The following VARS1 variants were observed in gnomAD, a reference collection of about 807,000 sequenced individuals.
VARS1 encodes the protein valine--tRNA ligase.
VARS1 carries 92 observed loss-of-function variants against 161.0 expected under a neutral mutation model. The observed-to-expected ratio is 0.57, with a 90% CI of 0.48 to 0.68. The LOEUF is 0.68. VARS1 is among the 30% of genes least tolerant of loss of function. The pLI, the probability that VARS1 is intolerant of heterozygous loss-of-function variation, is 0.00. For synonymous variants in VARS1, 595 were observed against 682.5 expected, an observed-to-expected ratio of 0.87 and a Z score of 2.00; for missense variants, 1,338 against 1,695.9, an observed-to-expected ratio of 0.79 and a Z score of 3.71.
In VARS1 at chr6:31,792,833, G is replaced by A. The variant is rs757660701; in HGVS notation, c.585C>T (p.Val195=). The A allele has an allele frequency of 6.2e-7, 1 of 1,614,068 alleles. No individual in the cohort carries two copies. Among genetic ancestry groups the A allele is most frequent in the African/African-American group, 1.3e-5 (1 of 74,926 alleles). Residue 195 remains valine (V), a synonymous_variant, in exon 4 of 30, where the codon GTC becomes GTT. Coordinates refer to ENST00000375663, the MANE Select transcript of VARS1 (RefSeq NM_006295.3). ...NNVTRWFVTC[V]RQPEFRAVLG... ...GCACGGCTCGGAATTCTGGCTGCCGGACACACGTGACAAACCAGCGAGTCA... is the reference window on the plus strand; with the variant it reads ...GCACGGCTCGGAATTCTGGCTGCCGAACACACGTGACAAACCAGCGAGTCA...
rs1361935216 is a variant in VARS1, at chr6:31,780,970, G to A, written c.2650-32C>T. The A allele has an allele frequency of 1.2e-6, 2 of 1,614,082 alleles. No individual in the cohort carries two copies. The highest frequency in any genetic ancestry group is 1.1e-5 in the South Asian group (1 of 91,084). On this transcript the variant is annotated intron_variant, in intron 22 of 29. Coordinates refer to ENST00000375663, the MANE Select transcript of VARS1 (RefSeq NM_006295.3). The surrounding 1 kb of genome is among the most constrained non-coding windows in gnomAD (Gnocchi z 5.1). ...GTGGAGTGGGAGCAGTCAGGTGGCT[G>A]TGACCACAGCCCCACGGCCCTTCCT...
chr6:31,785,376 G>A lies in VARS1; in HGVS notation c.1266-49C>T, dbSNP rs1354762144. The A allele has an allele frequency of 6.2e-7, 1 of 1,608,648 alleles. No individual in the cohort carries two copies. The highest frequency in any genetic ancestry group is 2.2e-5 in the East Asian group (1 of 44,854). ...AGCACTCGTGCCTGGGCTAGAGGGAGACATCAGGTGGCTGACTGGGCAGTG... is the reference window on the plus strand; with the variant it reads ...AGCACTCGTGCCTGGGCTAGAGGGAAACATCAGGTGGCTGACTGGGCAGTG... On this transcript the variant is annotated intron_variant, in intron 9 of 29. Coordinates refer to ENST00000375663, the MANE Select transcript of VARS1 (RefSeq NM_006295.3). The surrounding 1 kb of genome is among the most constrained non-coding windows in gnomAD (Gnocchi z 6.1).
At chr6:31,790,985 G>T (rs533439194) in intron 8 of VARS1, among the ~76,000 whole-genome samples, 13 of 152,136 alleles carry the variant, frequency 8.5e-5, no homozygotes, top group African/African-American at 2.2e-4. Context: ...TTTCTTACAA[G>T]AATATATTCA....
Position 31,785,381 on chromosome 6 carries a change from C to A in VARS1, c.1266-54G>T. 1.2e-6 allele frequency: 2 copies of A among 1,607,296 alleles called. No individual in the cohort carries two copies. Among genetic ancestry groups the A allele is most frequent in the Non-Finnish European group, 1.7e-6 (2 of 1,175,904 alleles). On this transcript the variant is annotated intron_variant, in intron 9 of 29. Coordinates refer to ENST00000375663, the MANE Select transcript of VARS1 (RefSeq NM_006295.3). This position sits in a 1 kb window ranked among gnomAD's most constrained non-coding sequence, Gnocchi z 6.1. ...TCGTGCCTGGGCTAGAGGGAGACAT[C>A]AGGTGGCTGACTGGGCAGTGTGGAG...
In VARS1 at chr6:31,784,590, C is replaced by A. The variant is rs1421873661; in HGVS notation, c.1467+5G>T. ...GATGGAGACAGGCCAGGTTGGGGGG[C>A]GCACCTCAATGTCAGAGATGGCGGA... is the stretch of plus-strand genomic sequence containing the variant. On this transcript the variant is annotated splice_donor_5th_base_variant and intron_variant, in intron 11 of 29. Transcript: ENST00000375663. This position sits in a 1 kb window ranked among gnomAD's most constrained non-coding sequence, Gnocchi z 6.1. 1.2e-6 allele frequency: 2 copies of A among 1,613,258 alleles called. No homozygotes were observed. Among genetic ancestry groups the A allele is most frequent in the Non-Finnish European group, 1.7e-6 (2 of 1,180,030 alleles).
Position 31,782,993 on chromosome 6 carries a change from T to C in VARS1, c.1762+103A>G. The C allele has an allele frequency of 7.8e-6, 12 of 1,536,626 alleles. No individual in the cohort carries two copies. Among genetic ancestry groups the C allele is most frequent in the Non-Finnish European group, 1.1e-5 (12 of 1,136,202 alleles). ...CCCTTGAGAACCACCCCAAGCTCTG[T>C]CTATTTGGCTGAAGCTTATTTTCTT... is the stretch of plus-strand genomic sequence containing the variant. On this transcript the variant is annotated intron_variant, in intron 14 of 29. Coordinates refer to ENST00000375663, the MANE Select transcript of VARS1 (RefSeq NM_006295.3). The surrounding 1 kb of genome is among the most constrained non-coding windows in gnomAD (Gnocchi z 8.3).
chr6:31,792,229 C>T lies in VARS1; in HGVS notation c.859G>A (p.Gly287Arg), dbSNP rs763964925. The T allele has an allele frequency of 4.3e-6, 7 of 1,613,804 alleles. No individual in the cohort carries two copies. The highest frequency in any genetic ancestry group is 2.2e-5 in the East Asian group (1 of 44,856). ...VITYDLPTPPGEKKDVSGPMP... is the reference protein window; with the variant it reads ...VITYDLPTPPREKKDVSGPMP... ...CCACTCCTAGTACCTTTCTTTTCCC[C>T]GGGTGGGGTTGGGAGGTCATAGGTA... Residue 287 changes from glycine to arginine, a missense_variant, in exon 6 of 30, where the codon GGG becomes AGG. Transcript: ENST00000375663.
chr6:31,786,888 A>C (rs1366225645), intron 8 of VARS1, among the ~76,000 whole-genome samples: 2 of 151,938 alleles, frequency 1.3e-5, no homozygotes, highest in Non-Finnish European at 2.9e-5. Flanking sequence ...ATTTGGAAAA[A>C]ATCTCCCCCT....
chr6:31,784,370 G>A lies in VARS1; in HGVS notation c.1576+24C>T, dbSNP rs1562301647. ...CCCCTTCCTGCCACTCCCAGCCCAG[G>A]ATCCTGGTGCCCCTGGCTCCTACCT... On this transcript the variant is annotated intron_variant, in intron 12 of 29. Transcript: ENST00000375663. This position sits in a 1 kb window ranked among gnomAD's most constrained non-coding sequence, Gnocchi z 6.1. The A allele has an allele frequency of 6.8e-6, 11 of 1,614,046 alleles. No individual in the cohort carries two copies. The highest frequency in any genetic ancestry group is 9.3e-6 in the Non-Finnish European group (11 of 1,180,048).
chr6:31,793,972 T>C (rs1814075505), intron 2 of VARS1, among the ~76,000 whole-genome samples: 1 of 150,490 alleles, frequency 6.6e-6, no homozygotes, highest in Non-Finnish European at 1.5e-5. Flanking sequence ...GACAAGGTGG[T>C]GGGCGCCTGT....
chr6:31,783,374 G>A (rs1813288424), intron 13 of VARS1, 188 bp from the exon 14 acceptor site: 1 of 606,190 alleles, frequency 1.6e-6, no homozygotes, highest in Non-Finnish European at 2.9e-6. Context: ...GCCAGGTGTG[G>A]TGACGCGTGC....
Position 31,781,502 on chromosome 6 carries a change from C to G in VARS1, c.2523G>C (p.Thr841=). 6.2e-7 allele frequency: 1 copy of G among 1,612,812 alleles called. No homozygotes were observed. The highest frequency in any genetic ancestry group is 8.5e-7 in the Non-Finnish European group (1 of 1,179,950). The change falls in exon 21 of 30, where the codon ACG becomes ACC. Residue 841 remains threonine, a synonymous_variant. Transcript: ENST00000375663. This position sits in a 1 kb window ranked among gnomAD's most constrained non-coding sequence, Gnocchi z 6.8. ...ARMVMLGLKL[T]GRLPFREVYL... is the part of the protein sequence containing the mutation. ...GCACCTCTCTAAAGGGCAGCCTGCC[C>G]GTGAGCTTCAGGCCCAGCATGACCA...
rs1812835456 is a variant in VARS1 at position 31,777,761 on chromosome 6, G to A, written c.3727-99C>T. On this transcript the variant is annotated intron_variant, in intron 29 of 29. Coordinates refer to ENST00000375663, the MANE Select transcript of VARS1 (RefSeq NM_006295.3). This position sits in a 1 kb window ranked among gnomAD's most constrained non-coding sequence, Gnocchi z 5.8. Reference sequence around the variant, plus strand: ...GTTGGAAAGATGAGCGAGGACCATGGGAGGTCAGTAGCTCAGAGGAGGCGT... The same window carrying A: ...GTTGGAAAGATGAGCGAGGACCATGAGAGGTCAGTAGCTCAGAGGAGGCGT... The A allele has an allele frequency of 3.5e-6, 5 of 1,419,276 alleles. No individual in the cohort carries two copies. Among genetic ancestry groups the A allele is most frequent in the Admixed American group, 2.0e-5 (1 of 50,780 alleles). 87.9% of individuals were successfully genotyped at this position (1,419,276 alleles called of 1,614,324 possible). A position where few individuals can be genotyped will look rare whatever the true frequency, so the allele number is the denominator to read the frequency against.
rs761826212 is a variant in VARS1 at position 31,781,809 on chromosome 6, C to G, written c.2347+38G>C. 9 of 1,612,888 alleles carry G rather than the reference C, an allele frequency of 5.6e-6. No homozygotes were observed. In the South Asian group the frequency reaches 9.9e-5, roughly 18 times the overall value. ...GGTCAGAGGGAGTGGAGCTCTGCCC[C>G]CCACAACTCCCTCCAGACCCTCAAA... On this transcript the variant is annotated intron_variant, in intron 19 of 29. Coordinates refer to ENST00000375663, the MANE Select transcript of VARS1 (RefSeq NM_006295.3). The surrounding 1 kb of genome is among the most constrained non-coding windows in gnomAD (Gnocchi z 6.8).
Position 31,781,512 on chromosome 6 carries a change from A to G in VARS1, c.2513T>C (p.Leu838Pro). 6.2e-7 allele frequency: 1 copy of G among 1,612,912 alleles called. No individual in the cohort carries two copies. Among genetic ancestry groups the G allele is most frequent in the Non-Finnish European group, 8.5e-7 (1 of 1,179,978 alleles). Residue 838 changes from leucine to proline, a missense_variant, in exon 21 of 30, where the codon CTG becomes CCG. By Grantham distance (98) the Leu-to-Pro change is moderately conservative. Transcript: ENST00000375663. The surrounding 1 kb of genome is among the most constrained non-coding windows in gnomAD (Gnocchi z 6.8). Reference protein sequence around the residue: ...FWVARMVMLGLKLTGRLPFRE... With the variant: ...FWVARMVMLGPKLTGRLPFRE... The stretch of plus-strand genomic sequence containing the variant: ...AAAGGGCAGCCTGCCCGTGAGCTTC[A>G]GGCCCAGCATGACCATCCGGGCCAC...
In VARS1 at chr6:31,780,147, C is replaced by T. The variant is rs776649176; in HGVS notation, c.2932G>A (p.Gly978Ser). Residue 978 changes from glycine (G) to serine (S), a missense_variant, in exon 26 of 30, where the codon GGC (glycine) becomes AGC (serine). Physicochemically the swap from Gly to Ser is moderately conservative, Grantham distance 56. Around this residue, in one of 3 missense-constraint regions of VARS1, gnomAD observed 433 missense variants for 586.2 expected, o/e 0.74. Coordinates refer to ENST00000375663, the MANE Select transcript of VARS1 (RefSeq NM_006295.3). The surrounding 1 kb of genome is among the most constrained non-coding windows in gnomAD (Gnocchi z 5.1). ...CAGCGGTCCACCAGGCTCTCATGGC[C>T]TCCGGGCTTGGGGAGAGAGGGTGTA... The part of the protein sequence containing the change: ...FVPSPTSQPG[G>S]HESLVDRWIR... 6.2e-7 allele frequency: 1 copy of T among 1,613,590 alleles called. No homozygotes were observed. The highest frequency in any genetic ancestry group is 1.1e-5 in the South Asian group (1 of 91,074).
At position 31,791,733 on chromosome 6, in the gene VARS1, G is replaced by A. The variant is rs1156960014; in HGVS notation, c.977C>T (p.Pro326Leu). 6.2e-7 allele frequency: 1 copy of A among 1,612,940 alleles called. No homozygotes were observed. Among genetic ancestry groups the A allele is most frequent in the Admixed American group, 1.7e-5 (1 of 59,992 alleles). The change falls in exon 8 of 30, where the codon CCT becomes CTT. Residue 326 changes from proline (P) to leucine (L), a missense_variant. Coordinates refer to ENST00000375663, the MANE Select transcript of VARS1 (RefSeq NM_006295.3). The surrounding 1 kb of genome is among the most constrained non-coding windows in gnomAD (Gnocchi z 5.0). ...QGFFKPEYGRPNVSAANPRGV... is the reference protein window; with the variant it reads ...QGFFKPEYGRLNVSAANPRGV... Reference sequence around the variant, plus strand: ...TCGGGGATTTGCTGCTGACACATTAGGACGCTGATGGTGGAGAAGGATGGC... The same window carrying A: ...TCGGGGATTTGCTGCTGACACATTAAGACGCTGATGGTGGAGAAGGATGGC...
intron 2 of VARS1, among the ~76,000 whole-genome samples, chr6:31,793,639 CAAT>C (rs1814050397): frequency 6.6e-6 from 1 of 152,164 alleles, no homozygotes; most frequent in African/African-American, 2.4e-5. Flanking sequence ...TTCAGAACAT[CAAT>C]AAATATGTAT....
At chr6:31,793,509 A>G (rs1323193123) in intron 2 of VARS1, among the ~76,000 whole-genome samples, 1 of 151,526 alleles carries the variant, frequency 6.6e-6, no homozygotes, top group Non-Finnish European at 1.5e-5. Flanking sequence ...CCGTCTCAGA[A>G]AAAAAAAAAC....
Sources: gnomAD v4.1 joint callset for allele counts (sites outside exome capture counted in the v4.1 genomes callset) on GRCh38, gnomAD v4.1.1 for gene constraint, gnomAD v4.1.1 regional missense constraint, Gnocchi (gnomAD v3.1) non-coding constraint, MANE v1.5 for transcripts, NCBI Gene and HGNC (gene_info 2026-07-23, HGNC 2026-07-21) for gene names.